Variants in GRIN3A observed in about 807,000 individuals in gnomAD.
GRIN3A encodes glutamate ionotropic receptor NMDA type subunit 3A.
A neutral mutation model predicts 92.4 loss-of-function variants in GRIN3A; 47 were observed. That is an observed-to-expected ratio of 0.51 (90% CI 0.40 to 0.65). The LOEUF is 0.65. Among genes scored for constraint, GRIN3A ranks in the 30% least tolerant of loss-of-function variants. The pLI, the probability that GRIN3A is intolerant of heterozygous loss-of-function variation, is 0.00. For missense variants in GRIN3A, 1,324 were observed against 1,393.1 expected, an observed-to-expected ratio of 0.95 and a Z score of 0.79; for synonymous variants, 527 against 540.6, an observed-to-expected ratio of 0.97 and a Z score of 0.35.
chr9:101,656,410 C>T (rs1318988481), intron 3 of GRIN3A, among the ~76,000 whole-genome samples: 1 of 151,794 alleles, frequency 6.6e-6, no homozygotes, highest in African/African-American at 2.4e-5. Flanking sequence ...GTCAATGGAA[C>T]ATTAAGCTTG....
chr9:101,690,626 G>T (rs1829602885), intron 1 of GRIN3A, among the ~76,000 whole-genome samples: 1 of 152,122 alleles, frequency 6.6e-6, no homozygotes. Flanking sequence ...AAATATTAAA[G>T]TTCCATATAC....
At chr9:101,597,950 G>T (rs559213887) in intron 6 of GRIN3A, among the ~76,000 whole-genome samples, 43 of 152,248 alleles carry the variant, frequency 2.8e-4, no homozygotes, top group Admixed American at 2.6e-3. Context: ...GATATCTTAT[G>T]TTATAGGCTC....
intron 6 of GRIN3A, among the ~76,000 whole-genome samples, chr9:101,588,506 C>A (rs1274472957): frequency 6.6e-6 from 1 of 152,124 alleles, no homozygotes; most frequent in Non-Finnish European, 1.5e-5. Flanking sequence ...GCTTGGGCGA[C>A]CATCTTTTAG....
chr9:101,713,033 C>T (rs1829899381), intron 1 of GRIN3A, among the ~76,000 whole-genome samples: 1 of 152,112 alleles, frequency 6.6e-6, no homozygotes, highest in Admixed American at 6.5e-5. Context: ...GGATTCAAAC[C>T]CAGGTAATCT....
intron 6 of GRIN3A, among the ~76,000 whole-genome samples, chr9:101,609,825 G>T (rs1828335971): frequency 6.6e-6 from 1 of 152,116 alleles, no homozygotes; most frequent in Admixed American, 6.6e-5. Flanking sequence ...GGATTGGGAG[G>T]CTCCTTTTCT....
chr9:101,699,273 A>C (rs369009546), intron 1 of GRIN3A, among the ~76,000 whole-genome samples: 7 of 152,294 alleles, frequency 4.6e-5, no homozygotes, highest in African/African-American at 1.2e-4. Context: ...TCCCACTGGA[A>C]GGTCTTCAAT....
In GRIN3A at chr9:101,569,981, G is replaced by A. The variant is rs749237846; in HGVS notation, c.*3193C>T. 1.3e-5 allele frequency: 2 copies of A among 152,150 alleles called. No homozygotes were observed. Among genetic ancestry groups the A allele is most frequent in the East Asian group, 3.9e-4 (2 of 5,184 alleles). The allele number at this position is 152,150 out of a possible 1,614,324, so 9.4% of individuals were successfully genotyped here. A position where few individuals can be genotyped will look rare whatever the true frequency, so the allele number is the denominator to read the frequency against. ...GGAAGGGAAGCAGCAGCTCTTGATA[G>A]GGTTTGTGCAATAGCAAGATTCATG... is the stretch of plus-strand genomic sequence containing the variant. On this transcript the variant is annotated 3_prime_UTR_variant, in exon 9 of 9. Coordinates refer to ENST00000361820, the MANE Select transcript of GRIN3A (RefSeq NM_133445.3).
chr9:101,631,163 G>A (rs1828706335), intron 3 of GRIN3A, among the ~76,000 whole-genome samples: 1 of 152,130 alleles, frequency 6.6e-6, no homozygotes, highest in Non-Finnish European at 1.5e-5. Context: ...GAAGCTCCAT[G>A]TAAACAAGAA....
In GRIN3A at chr9:101,670,897, G is replaced by T. The variant is rs373293493; in HGVS notation, c.1515C>A (p.Thr505=). The T allele has an allele frequency of 6.2e-7, 1 of 1,612,058 alleles. No homozygotes were observed. The highest frequency in any genetic ancestry group is 8.5e-7 in the Non-Finnish European group (1 of 1,178,612). The change falls in exon 3 of 9, where the codon ACC becomes ACA. Residue 505 remains threonine, a synonymous_variant. Transcript: ENST00000361820. Reference sequence around the variant, plus strand: ...GTAGCTTACTTGGATGTTGGAAGTGGGTTTTGTGTCTCTGGGCCTGCTCTG... The same window carrying T: ...GTAGCTTACTTGGATGTTGGAAGTGTGTTTTGTGTCTCTGGGCCTGCTCTG... The part of the protein sequence containing the change: ...IWPEQAQRHK[T]HFQHPSKLHL...
At chr9:101,648,902 G>GT (rs199754670) in intron 3 of GRIN3A, among the ~76,000 whole-genome samples, 22 of 150,634 alleles carry the variant, frequency 1.5e-4, no homozygotes, top group East Asian at 5.9e-4. Context: ...ACACTGGACT[G>GT]TTTTTTTTTC....
intron 1 of GRIN3A, among the ~76,000 whole-genome samples, chr9:101,714,239 T>C (rs62576354): frequency 0.12 from 18,108 of 152,010 alleles, 2,170 homozygotes; most frequent in African/African-American, 0.31. Context: ...TTATGAAACA[T>C]GAAAAATTCA....
intron 1 of GRIN3A, among the ~76,000 whole-genome samples, chr9:101,712,579 T>G (rs182181982): frequency 6.6e-6 from 1 of 152,350 alleles, no homozygotes; most frequent in African/African-American, 2.4e-5. Context: ...AACTCATCCA[T>G]AAGATTCCAA....
intron 3 of GRIN3A, among the ~76,000 whole-genome samples, chr9:101,639,503 T>A (rs533634100): frequency 3.5e-4 from 54 of 152,314 alleles, no homozygotes; most frequent in African/African-American, 1.2e-3. Flanking sequence ...CATCACCAGC[T>A]GTGTACTATA....
chr9:101,691,562 C>T (rs1468408316), intron 1 of GRIN3A, among the ~76,000 whole-genome samples: 1 of 152,080 alleles, frequency 6.6e-6, no homozygotes, highest in Non-Finnish European at 1.5e-5. Context: ...TAAAAGTAAA[C>T]ACATTTAACT....
intron 6 of GRIN3A, among the ~76,000 whole-genome samples, chr9:101,587,409 A>G (rs1265061052): frequency 6.6e-6 from 1 of 152,170 alleles, no homozygotes; most frequent in African/African-American, 2.4e-5. Flanking sequence ...AGGTGTGAAT[A>G]TAACTTCTTT....
intron 6 of GRIN3A, among the ~76,000 whole-genome samples, chr9:101,588,114 T>C (rs921722939): frequency 1.1e-4 from 17 of 152,154 alleles, no homozygotes; most frequent in African/African-American, 4.1e-4. Context: ...TGAGAGAGTC[T>C]GGTTGAAGAG....
chr9:101,587,202 C>T (rs902254688), intron 6 of GRIN3A, among the ~76,000 whole-genome samples: 32 of 150,708 alleles, frequency 2.1e-4, no homozygotes, highest in African/African-American at 6.8e-4. Flanking sequence ...TCCAGCTACT[C>T]GGGAGGCTGA....
chr9:101,737,354 A>ATTTCGCCCTG lies in GRIN3A; in HGVS notation c.625_626insCAGGGCGAAA (p.Leu209ProfsTer44). ...GTGCAGGACTAAGCTGACCAAGTCG[A>ATTTCGCCCTG]GCTCCATCATTTCGCCCTGGCTCTG... On this transcript the variant is annotated frameshift_variant, in exon 1 of 9. Transcript: ENST00000361820. LOFTEE classifies it high-confidence loss of function. 2 of 1,614,234 alleles carry ATTTCGCCCTG rather than the reference A, an allele frequency of 1.2e-6. No individual in the cohort carries two copies. Among genetic ancestry groups the ATTTCGCCCTG allele is most frequent in the Non-Finnish European group, 1.7e-6 (2 of 1,180,038 alleles).
chr9:101,662,941 C>CTACA (rs1364589249), intron 3 of GRIN3A, among the ~76,000 whole-genome samples: 1 of 151,818 alleles, frequency 6.6e-6, no homozygotes, highest in Admixed American at 6.6e-5. Context: ...ACAGCTCTCC[C>CTACA]TACAGTATGA....
Sources: gnomAD v4.1 joint callset for allele counts (sites outside exome capture counted in the v4.1 genomes callset) on GRCh38, gnomAD v4.1.1 for gene constraint, MANE v1.5 for transcripts, NCBI Gene and HGNC (gene_info 2026-07-23, HGNC 2026-07-21) for gene names.